The following TMEM232 variants were observed in gnomAD, a reference collection of about 807,000 sequenced individuals.
TMEM232 encodes the protein transmembrane protein 232.
Under a neutral mutation model 78.8 loss-of-function variants are expected in TMEM232, and 80 were observed. The observed-to-expected ratio is 1.01, with a 90% CI of 0.85 to 1.22. The LOEUF is 1.22. Ranked by LOEUF, TMEM232 falls within the 50% of genes most tolerant of loss-of-function variation. TMEM232 has a pLI of 0.00. For missense variants in TMEM232, 881 were observed against 742.2 expected (o/e 1.19, Z -2.17); for synonymous variants, 297 against 254.3 (o/e 1.17, Z -1.60).
chr5:110,524,797 TATTG>T (rs778434322), intron 12 of TMEM232, among the ~76,000 whole-genome samples: 1 of 152,156 alleles, frequency 6.6e-6, no homozygotes, highest in Non-Finnish European at 1.5e-5. Flanking sequence ...ATTCTGTCAA[TATTG>T]ATTTATATAT....
At chr5:110,736,436 G>A (rs1561589840) in intron 1 of TMEM232, among the ~76,000 whole-genome samples, 2 of 152,060 alleles carry the variant, frequency 1.3e-5, no homozygotes, top group Non-Finnish European at 2.9e-5. Flanking sequence ...GCAAGCCCGT[G>A]CTCAGACATA....
chr5:110,545,835 C>T (rs780533861), intron 11 of TMEM232, among the ~76,000 whole-genome samples: 16 of 152,048 alleles, frequency 1.1e-4, no homozygotes, highest in Admixed American at 3.9e-4. Context: ...TACCAGATGG[C>T]AGAAAACACT....
At chr5:110,616,525 T>C (rs1419275821) in intron 8 of TMEM232, among the ~76,000 whole-genome samples, 2 of 152,096 alleles carry the variant, frequency 1.3e-5, no homozygotes, top group East Asian at 3.9e-4. Context: ...AACCCATATA[T>C]TTAAAGAAAA....
At chr5:110,538,698 G>A (rs531975197) in intron 11 of TMEM232, among the ~76,000 whole-genome samples, 681 of 152,272 alleles carry the variant, frequency 4.5e-3, no homozygotes, top group Non-Finnish European at 6.6e-3. Context: ...GGAATTAGAT[G>A]AAGACTGAAG....
intron 10 of TMEM232, among the ~76,000 whole-genome samples, chr5:110,591,601 GT>G: frequency 6.6e-6 from 1 of 152,156 alleles, no homozygotes; most frequent in East Asian, 1.9e-4. Context: ...GCGTCTGTAT[GT>G]TTCCATAGTT....
intron 1 of TMEM232, among the ~76,000 whole-genome samples, chr5:110,678,771 T>A (rs927536229): frequency 6.6e-6 from 1 of 152,294 alleles, no homozygotes; most frequent in Middle Eastern, 3.4e-3. Context: ...TAGTTTGAAT[T>A]AAACACTATG....
chr5:110,706,235 G>A (rs1795918739), intron 1 of TMEM232, among the ~76,000 whole-genome samples: 1 of 152,016 alleles, frequency 6.6e-6, no homozygotes, highest in Admixed American at 6.6e-5. Flanking sequence ...ATATTTTGAG[G>A]TACAAATACA....
intron 1 of TMEM232, among the ~76,000 whole-genome samples, chr5:110,701,063 G>T (rs1362972804): frequency 6.6e-6 from 1 of 151,822 alleles, no homozygotes; most frequent in Non-Finnish European, 1.5e-5. Flanking sequence ...TTGATAGGAA[G>T]AGATTTTCTG....
downstream of TMEM232, among the ~76,000 whole-genome samples, chr5:110,419,080 A>G (rs916927472): frequency 3.3e-5 from 5 of 152,032 alleles, no homozygotes; most frequent in African/African-American, 1.2e-4. Context: ...ATGAAGAGGG[A>G]CTCAGAAGGA....
intron 12 of TMEM232, among the ~76,000 whole-genome samples, chr5:110,428,556 A>C (rs1757492522): frequency 6.6e-6 from 1 of 151,592 alleles, no homozygotes; most frequent in South Asian, 2.1e-4. Flanking sequence ...AAACACATCA[A>C]ATTGACCTAA....
chr5:110,526,321 CAG>C (rs893047981), intron 12 of TMEM232, among the ~76,000 whole-genome samples: 3 of 150,646 alleles, frequency 2.0e-5, no homozygotes, highest in African/African-American at 4.9e-5. Flanking sequence ...TTACCATAGA[CAG>C]AGAGTCGCAT....
rs1445633053 is a variant in TMEM232 at position 110,606,225 on chromosome 5, A to C, written c.965T>G (p.Leu322Trp). The stretch of plus-strand genomic sequence containing the variant: ...TCTCACTACGTCCATTAAAGCTTTC[A>C]AGCAGGCCATGTTTAATTTGGCAGC... ...GEAAKLNMAC[L>W]KALMDVVRDF... Residue 322 changes from leucine (L) to tryptophan (W), a missense_variant, in exon 9 of 14, where the codon TTG (leucine) becomes TGG (tryptophan). Coordinates refer to ENST00000455884, the MANE Select transcript of TMEM232 (RefSeq NM_001039763.4). 1.3e-6 allele frequency: 2 copies of C among 1,545,072 alleles called. No individual in the cohort carries two copies. The highest frequency in any genetic ancestry group is 2.4e-5 in the South Asian group (2 of 83,226).
At chr5:110,521,813 C>G (rs1769558767) in intron 12 of TMEM232, among the ~76,000 whole-genome samples, 2 of 152,096 alleles carry the variant, frequency 1.3e-5, no homozygotes, top group Non-Finnish European at 2.9e-5. Context: ...TTTCATTTAG[C>G]CTATACATCT....
At chr5:110,493,216 A>G (rs1475977599) in intron 12 of TMEM232, among the ~76,000 whole-genome samples, 2 of 151,934 alleles carry the variant, frequency 1.3e-5, no homozygotes, top group African/African-American at 4.8e-5. Flanking sequence ...AAAAAACACC[A>G]TGTTCCTAGA....
At chr5:110,645,182 T>C (rs1787311319) in intron 2 of TMEM232, among the ~76,000 whole-genome samples, 1 of 151,584 alleles carries the variant, frequency 6.6e-6, no homozygotes, top group African/African-American at 2.4e-5. Flanking sequence ...TCTGTTAAAC[T>C]CTTGCAAAAA....
intron 10 of TMEM232, among the ~76,000 whole-genome samples, chr5:110,579,748 G>C (rs1229001459): frequency 2.0e-5 from 3 of 151,080 alleles, no homozygotes; most frequent in African/African-American, 4.8e-5. Context: ...ACACACAAAA[G>C]AAGACAGAGC....
chr5:110,476,318 A>G (rs1398668238), intron 12 of TMEM232, among the ~76,000 whole-genome samples: 7 of 151,982 alleles, frequency 4.6e-5, no homozygotes, highest in Admixed American at 1.3e-4. Context: ...TTGATACAAA[A>G]ATAACAACAG....
chr5:110,483,134 A>C (rs1338160006), intron 12 of TMEM232, among the ~76,000 whole-genome samples: 2 of 152,160 alleles, frequency 1.3e-5, no homozygotes, highest in Admixed American at 1.3e-4. Context: ...ACAATGTATA[A>C]AGATGAAATT....
chr5:110,458,280 GT>G (rs368766178), intron 12 of TMEM232, among the ~76,000 whole-genome samples: 3 of 145,114 alleles, frequency 2.1e-5, no homozygotes, highest in Non-Finnish European at 3.0e-5. Flanking sequence ...TCTTTTTTTT[GT>G]TTTTTTTTCA....
Sources: allele counts gnomAD v4.1 joint callset (sites outside exome capture counted in the v4.1 genomes callset), GRCh38; gene constraint gnomAD v4.1.1; transcripts MANE v1.5; gene names NCBI Gene and HGNC (gene_info 2026-07-23, HGNC 2026-07-21).